Variants in NAALADL2 observed in about 807,000 individuals in gnomAD.
The protein encoded by NAALADL2 is inactive N-acetylated-alpha-linked acidic dipeptidase-like protein 2.
In NAALADL2, 76 loss-of-function variants were observed where a neutral mutation model predicts 87.2. The ratio of observed to expected loss-of-function variants is 0.87; its 90% confidence interval spans 0.72 to 1.05. The LOEUF (loss-of-function observed/expected upper bound fraction) is 1.05, where lower values mean the gene tolerates loss of function less well. NAALADL2 is among the 50% of genes least tolerant of loss of function. The pLI, the probability that NAALADL2 is intolerant of heterozygous loss-of-function variation, is 0.00. For missense variants in NAALADL2, 1,089 were observed against 945.8 expected (o/e 1.15, Z -1.99); for synonymous variants, 354 against 331.0 (o/e 1.07, Z -0.75).
intron 1 of NAALADL2, among the ~76,000 whole-genome samples, chr3:175,001,200 T>C (rs1748181029): frequency 6.6e-6 from 1 of 152,210 alleles, no homozygotes; most frequent in East Asian, 1.9e-4. Context: ...AAGAATTACT[T>C]GCAGATCATG....
rs184968960 is a variant in NAALADL2, at chr3:174,901,030, A to G, written c.43+41580A>G. Among the ~76,000 whole-genome samples the G allele has an allele frequency of 3.4e-3, 512 of 152,320 alleles. 2 individuals are homozygous for G. The highest frequency in any genetic ancestry group is 6.6e-3 in the South Asian group (32 of 4,826). ...ACACTTGAATATTTGGATGTTTTCA[A>G]TTGGAATCAGTGTGTCCAACTGTAT... On this transcript the variant is annotated intron_variant, in intron 1 of 13. Transcript: ENST00000454872.
At chr3:175,204,654 G>A (rs1431750008) in intron 2 of NAALADL2, among the ~76,000 whole-genome samples, 2 of 150,208 alleles carry the variant, frequency 1.3e-5, no homozygotes, top group African/African-American at 2.4e-5. Flanking sequence ...AAGTCAAACT[G>A]TCAGTGTTTG....
chr3:175,414,007 A>G (rs528716609), intron 5 of NAALADL2, among the ~76,000 whole-genome samples: 31 of 152,240 alleles, frequency 2.0e-4, no homozygotes, highest in African/African-American at 7.5e-4. Context: ...TCTTCTGTCC[A>G]TATCACTATG....
At chr3:175,011,269 A>G (rs372359562) in intron 1 of NAALADL2, among the ~76,000 whole-genome samples, 41 of 109,892 alleles carry the variant, frequency 3.7e-4, no homozygotes, top group East Asian at 1.4e-3. Flanking sequence ...AGAGGGAGAG[A>G]GACAGAGAGA....
chr3:175,151,448 A>G (rs183504313), intron 2 of NAALADL2, among the ~76,000 whole-genome samples: 25 of 152,276 alleles, frequency 1.6e-4, no homozygotes, highest in East Asian at 1.5e-3. Context: ...CTTTTATCCA[A>G]TTAACATCTG....
chr3:174,526,824 G>A (rs942567453), intron 1 of NAALADL2, among the ~76,000 whole-genome samples: 12 of 151,888 alleles, frequency 7.9e-5, no homozygotes, highest in African/African-American at 2.9e-4. Flanking sequence ...TTACAGGCAT[G>A]TGCCCCCACA....
intron 1 of NAALADL2, among the ~76,000 whole-genome samples, chr3:174,518,196 T>C (rs1327704642): frequency 6.6e-6 from 1 of 152,146 alleles, no homozygotes; most frequent in East Asian, 1.9e-4. Context: ...TATGTGCCTG[T>C]GTGTATGTAA....
intron 3 of NAALADL2, among the ~76,000 whole-genome samples, chr3:174,827,211 T>C (rs1425344789): frequency 6.6e-6 from 1 of 152,176 alleles, no homozygotes; most frequent in African/African-American, 2.4e-5. Flanking sequence ...GTAATTAGTA[T>C]GTACTGGTAT....
chr3:175,733,934 A>AG (rs574877469), intron 11 of NAALADL2, among the ~76,000 whole-genome samples: 2 of 152,190 alleles, frequency 1.3e-5, no homozygotes, highest in South Asian at 4.1e-4. Context: ...CTGATGCAAG[A>AG]GGTGGGTTCC....
intron 2 of NAALADL2, among the ~76,000 whole-genome samples, chr3:174,630,247 T>A (rs932090816): frequency 6.6e-6 from 1 of 152,128 alleles, no homozygotes; most frequent in Non-Finnish European, 1.5e-5. Flanking sequence ...AGTCACTACT[T>A]AGATATTTAG....
chr3:174,866,030 G>A (rs2109571000), intron 1 of NAALADL2, among the ~76,000 whole-genome samples: 1 of 151,870 alleles, frequency 6.6e-6, no homozygotes, highest in East Asian at 1.9e-4. Flanking sequence ...TGTCAAGCAG[G>A]TGACAAATTT....
intron 6 of NAALADL2, chr3:175,460,102 C>T: frequency 2.2e-6 from 1 of 453,708 alleles, no homozygotes; most frequent in Non-Finnish European, 4.4e-6. Context: ...TACAGGATTG[C>T]TTTTGTTATT....
intron 5 of NAALADL2, among the ~76,000 whole-genome samples, chr3:175,386,429 T>A (rs1392333768): frequency 6.6e-6 from 1 of 152,032 alleles, no homozygotes; most frequent in Non-Finnish European, 1.5e-5. Context: ...TCTGTTTAGA[T>A]TCAAATTTTT....
intron 1 of NAALADL2, among the ~76,000 whole-genome samples, chr3:174,522,358 G>A (rs1340271205): frequency 6.6e-6 from 1 of 152,074 alleles, no homozygotes; most frequent in Non-Finnish European, 1.5e-5. Flanking sequence ...TCGTGAATGA[G>A]ACTAGTGTCC....
chr3:174,966,210 CA>C (rs1479870104), intron 1 of NAALADL2, among the ~76,000 whole-genome samples: 1 of 152,144 alleles, frequency 6.6e-6, no homozygotes, highest in Non-Finnish European at 1.5e-5. Context: ...AGCTCTAGGT[CA>C]AAAACTTTGT....
intron 1 of NAALADL2, among the ~76,000 whole-genome samples, chr3:174,874,573 T>C (rs1218507506): frequency 2.6e-5 from 4 of 152,090 alleles, no homozygotes; most frequent in Non-Finnish European, 2.9e-5. Context: ...TACTTGGGGC[T>C]CTAGGGTGTG....
chr3:175,013,201 AATAT>A (rs1156245272), intron 1 of NAALADL2, among the ~76,000 whole-genome samples: 1 of 74,756 alleles, frequency 1.3e-5, no homozygotes, highest in Non-Finnish European at 3.4e-5. Flanking sequence ...TATATACATA[AATAT>A]ATAATATATA....
At position 175,091,283 on chromosome 3, in the gene NAALADL2, T is replaced by C. The variant is rs111528840; in HGVS notation, c.44-5507T>C. ...CACAAAGATGCATAATGAATGTCTT[T>C]TGATGATGCCCTGACATTTCTAAGA... On this transcript the variant is annotated intron_variant, in intron 1 of 13. Transcript: ENST00000454872. 6.9e-3 allele frequency among the ~76,000 whole-genome samples: 1,045 copies of C among 152,236 alleles called. 19 individuals are homozygous for C. Among genetic ancestry groups the C allele is most frequent in the African/African-American group, 0.024 (1,010 of 41,574 alleles).
intron 2 of NAALADL2, among the ~76,000 whole-genome samples, chr3:174,694,283 C>T (rs1207428791): frequency 6.6e-6 from 1 of 152,010 alleles, no homozygotes; most frequent in African/African-American, 2.4e-5. Context: ...AGTTTAGTAA[C>T]TATGGCTGAA....
Sources: allele counts gnomAD v4.1 joint callset (sites outside exome capture counted in the v4.1 genomes callset), GRCh38; gene constraint gnomAD v4.1.1; transcripts MANE v1.5; gene names NCBI Gene and HGNC (gene_info 2026-07-23, HGNC 2026-07-21).